Variants in WDR35 observed in about 807,000 individuals in gnomAD.
WDR35 encodes the protein WD repeat-containing protein 35.
Under a neutral mutation model 158.3 loss-of-function variants are expected in WDR35, and 118 were observed. The observed-to-expected ratio is 0.75, with a 90% CI of 0.64 to 0.87. WDR35 has a LOEUF of 0.87. Ranked by LOEUF, WDR35 falls within the 40% of genes least tolerant of loss-of-function variation. WDR35 has a pLI of 0.00. For missense variants in WDR35, 1,263 were observed against 1,405.8 expected, an observed-to-expected ratio of 0.90 and a Z score of 1.62; for synonymous variants, 448 against 476.1, an observed-to-expected ratio of 0.94 and a Z score of 0.77.
At chr2:19,975,234 C>T (rs528163113) in intron 6 of WDR35, among the ~76,000 whole-genome samples, 112 of 152,280 alleles carry the variant, frequency 7.4e-4, no homozygotes, top group African/African-American at 2.6e-3. Context: ...AACTGCACAT[C>T]GCCCTACTCA....
intron 25 of WDR35, among the ~76,000 whole-genome samples, chr2:19,917,048 C>T (rs906534632): frequency 6.6e-6 from 1 of 152,220 alleles, no homozygotes; most frequent in Non-Finnish European, 1.5e-5. Flanking sequence ...TCCAAAGGAA[C>T]AGGCAGCAAC....
intron 25 of WDR35, among the ~76,000 whole-genome samples, chr2:19,917,296 C>T (rs553263057): frequency 6.6e-6 from 1 of 152,140 alleles, no homozygotes; most frequent in Non-Finnish European, 1.5e-5. Flanking sequence ...GAAACCAGAG[C>T]AAAAAGGCTG....
rs373520870 is a variant in WDR35 at position 19,926,077 on chromosome 2, C to T, written c.3121+4319G>A. 2.2e-4 allele frequency among the ~76,000 whole-genome samples: 33 copies of T among 152,214 alleles called. No homozygotes were observed. In the East Asian group the frequency reaches 4.6e-3, roughly 21 times the overall value. On this transcript the variant is annotated intron_variant, in intron 25 of 26. Coordinates refer to ENST00000281405, the MANE Select transcript of WDR35 (RefSeq NM_020779.4). ...TTTCCCCTTGGAATTCTCCAGTTTG[C>T]GTAATTAAGAAAAAATCAGGTAAAT...
rs1672414895 is a variant in WDR35 at position 19,982,504 on chromosome 2, G to C, written c.173C>G (p.Pro58Arg). 1 of 1,613,808 alleles carries C rather than the reference G, an allele frequency of 6.2e-7. No homozygotes were observed. The highest frequency in any genetic ancestry group is 8.5e-7 in the Non-Finnish European group (1 of 1,179,898). Residue 58 changes from proline (P) to arginine (R), a missense_variant, in exon 3 of 27, where the codon CCC (proline) becomes CGC (arginine). Pro to Arg is a moderately radical substitution (Grantham distance 103, BLOSUM62 -2). Coordinates refer to ENST00000281405, the MANE Select transcript of WDR35 (RefSeq NM_020779.4). ...AGTCTGATTCATAGAAAGGTTACTGGGGGCTGCAAGGCCCCTCAATTTTGC... is the reference window on the plus strand; with the variant it reads ...AGTCTGATTCATAGAAAGGTTACTGCGGGCTGCAAGGCCCCTCAATTTTGC... ...DDAKLRGLAA[P>R]SNLSMNQTLE...
At chr2:19,950,681 GA>G (rs1210749629) in intron 13 of WDR35, among the ~76,000 whole-genome samples, 2 of 151,962 alleles carry the variant, frequency 1.3e-5, no homozygotes, top group Non-Finnish European at 2.9e-5. Context: ...ATACTTAATT[GA>G]AAAAAATGGA....
In WDR35 at chr2:19,945,879, A is replaced by T; in HGVS notation, c.1752T>A (p.Asp584Glu). The T allele has an allele frequency of 6.2e-7, 1 of 1,613,998 alleles. No individual in the cohort carries two copies. Among genetic ancestry groups the T allele is most frequent in the African/African-American group, 1.3e-5 (1 of 75,028 alleles). ...VGELLKLERR[D>E]VWDMKWAKDN... ...CTTTGGCCCACTTCATATCCCAGAC[A>T]TCTCTTCGTTCCAATTTTAACAACT... Residue 584 changes from aspartate (D) to glutamate (E), a missense_variant, in exon 16 of 27, where the codon GAT (aspartate) becomes GAA (glutamate). Transcript: ENST00000281405.
At chr2:19,965,971 C>A (rs1329027981) in intron 10 of WDR35, among the ~76,000 whole-genome samples, 1 of 152,180 alleles carries the variant, frequency 6.6e-6, no homozygotes, top group Non-Finnish European at 1.5e-5. Context: ...GTAATTACCG[C>A]TAATCCACCT....
intron 2 of WDR35, among the ~76,000 whole-genome samples, chr2:19,983,998 AATGCATATATATATATATATATAT>A: frequency 7.1e-6 from 1 of 140,904 alleles, no homozygotes; most frequent in South Asian, 2.2e-4. Context: ...AATCCATTCT[AATGCATATATATATATATATATAT>A]ATATATATAT....
At chr2:19,945,650 T>A (rs1558337163) in intron 16 of WDR35, 136 bp downstream of exon 16, 2 of 950,020 alleles carry the variant, frequency 2.1e-6, no homozygotes, top group East Asian at 5.0e-5. Flanking sequence ...AATGTTCCTA[T>A]TTATTTTCAG....
Position 19,913,407 on chromosome 2 carries a change from A to T in WDR35, c.*151T>A. 1.1e-6 allele frequency: 1 copy of T among 885,310 alleles called. No homozygotes were observed. The highest frequency in any genetic ancestry group is 1.7e-6 in the Non-Finnish European group (1 of 605,222). 54.8% of individuals were successfully genotyped at this position (885,310 alleles called of 1,614,324 possible). A position where few individuals can be genotyped will look rare whatever the true frequency, so the allele number is the denominator to read the frequency against. ...GTTGTATTGCCATAAAAATTATTTT[A>T]TTAACATATATTTTGTGCAAAAATT... On this transcript the variant is annotated 3_prime_UTR_variant, in exon 27 of 27. Coordinates refer to ENST00000281405, the MANE Select transcript of WDR35 (RefSeq NM_020779.4).
intron 12 of WDR35, among the ~76,000 whole-genome samples, chr2:19,953,098 T>C (rs1166004919): frequency 1.3e-5 from 2 of 152,158 alleles, no homozygotes; most frequent in Non-Finnish European, 2.9e-5. Context: ...TGTGTCCCCA[T>C]TAAGAATCCT....
At chr2:19,986,358 A>G (rs577201498) in intron 2 of WDR35, among the ~76,000 whole-genome samples, 2 of 152,332 alleles carry the variant, frequency 1.3e-5, no homozygotes, top group South Asian at 2.1e-4. Context: ...ATGGCATTTA[A>G]GGGCATGAGA....
intron 25 of WDR35, among the ~76,000 whole-genome samples, chr2:19,929,645 C>T (rs1204943645): frequency 6.6e-6 from 1 of 152,050 alleles, no homozygotes; most frequent in Non-Finnish European, 1.5e-5. Context: ...TTACAGTATA[C>T]AAATACCATG....
chr2:19,962,440 A>G, intron 10 of WDR35: 1 of 977,946 alleles, frequency 1.0e-6, no homozygotes, highest in South Asian at 1.3e-5. Flanking sequence ...ATCAATGACC[A>G]ATATTAGGAA....
intron 9 of WDR35, 120 bp downstream of exon 9, chr2:19,969,360 C>A: frequency 9.1e-7 from 1 of 1,094,004 alleles, no homozygotes; most frequent in Non-Finnish European, 1.3e-6. Context: ...AAAATCTTCA[C>A]ACAAAAAGGC....
intron 13 of WDR35, among the ~76,000 whole-genome samples, chr2:19,950,480 C>A (rs1399227677): frequency 1.3e-5 from 2 of 152,072 alleles, no homozygotes; most frequent in Non-Finnish European, 2.9e-5. Flanking sequence ...GAAGAAAATA[C>A]GTGGTTGACA....
At chr2:19,938,013 A>G (rs1572330225) in intron 18 of WDR35, 67 bp from the exon 19 acceptor site, 22 of 1,547,262 alleles carry the variant, frequency 1.4e-5, no homozygotes, top group Non-Finnish European at 2.0e-5. Flanking sequence ...GTCTTGAATC[A>G]CAATTCAATT....
intron 12 of WDR35, 95 bp from the exon 13 acceptor site, chr2:19,951,579 C>T: frequency 3.3e-6 from 3 of 911,474 alleles, no homozygotes; most frequent in Non-Finnish European, 3.4e-6. Flanking sequence ...TCAATTAATA[C>T]TGTTATTTAA....
intron 3 of WDR35, among the ~76,000 whole-genome samples, chr2:19,982,180 A>T (rs1245304175): frequency 1.3e-5 from 2 of 152,198 alleles, no homozygotes; most frequent in African/African-American, 4.8e-5. Flanking sequence ...TTTAGTATAA[A>T]ATAGGCTTTA....
Sources: allele counts gnomAD v4.1 joint callset (sites outside exome capture counted in the v4.1 genomes callset), GRCh38; gene constraint gnomAD v4.1.1; transcripts MANE v1.5; gene names NCBI Gene and HGNC (gene_info 2026-07-23, HGNC 2026-07-21).